The following BACE1 variants were observed in gnomAD, a reference collection of about 807,000 sequenced individuals.
BACE1 encodes the protein APP beta-secretase.
BACE1 carries 21 observed loss-of-function variants against 54.0 expected under a neutral mutation model. The observed-to-expected ratio is 0.39, with a 90% CI of 0.28 to 0.56. BACE1 has a LOEUF of 0.56. Ranked by LOEUF, BACE1 falls within the 20% of genes least tolerant of loss-of-function variation. The pLI is 0.63. For synonymous variants in BACE1, 232 were observed against 260.9 expected (o/e 0.89, Z 1.07); for missense variants, 511 against 661.2 (o/e 0.77, Z 2.49).
intron 1 of BACE1, among the ~76,000 whole-genome samples, chr11:117,298,280 C>G (rs553179149): frequency 6.6e-6 from 1 of 151,330 alleles, no homozygotes; most frequent in South Asian, 2.1e-4. Flanking sequence ...CCGGCCTGGA[C>G]GAGAGCAACA....
chr11:117,308,779 A>G (rs567969340), intron 1 of BACE1, among the ~76,000 whole-genome samples: 22 of 151,858 alleles, frequency 1.4e-4, no homozygotes, highest in African/African-American at 5.1e-4. Flanking sequence ...TGAAACCCCC[A>G]TCTCTACTAA....
At chr11:117,307,426 C>G (rs934683248) in intron 1 of BACE1, among the ~76,000 whole-genome samples, 3 of 152,206 alleles carry the variant, frequency 2.0e-5, no homozygotes, top group African/African-American at 7.2e-5. Flanking sequence ...ATTCTCCTGC[C>G]TCAGCCTCCT....
intron 1 of BACE1, among the ~76,000 whole-genome samples, chr11:117,311,747 T>C (rs1233964927): frequency 6.6e-6 from 1 of 152,202 alleles, no homozygotes; most frequent in Non-Finnish European, 1.5e-5. Flanking sequence ...TTCAAGAGAT[T>C]CTTCTGCCTC....
intron 1 of BACE1, among the ~76,000 whole-genome samples, chr11:117,302,097 GCTGAGGTGGTTGGATCAC>G (rs1442893744): frequency 6.6e-6 from 1 of 152,196 alleles, no homozygotes; most frequent in African/African-American, 2.4e-5. Context: ...ACTTTGGGAG[GCTGAGGTGGTTGGATCAC>G]CTGAGGTCAG....
In BACE1 at chr11:117,289,614, CAGGCAGCGG is replaced by C. The variant is rs751943429; in HGVS notation, c.1449_1457del (p.Cys485_Arg487del). On this transcript the variant is annotated inframe_deletion, in exon 9 of 9. Coordinates refer to ENST00000313005, the MANE Select transcript of BACE1 (RefSeq NM_012104.6). ...CAGCAAAGTCATCATGCTGCTGGCG[CAGGCAGCGG>C]AGGCAGCGCCACTGACACACCATGA... 2 of 1,614,186 alleles carry C rather than the reference CAGGCAGCGG, an allele frequency of 1.2e-6. No individual in the cohort carries two copies. Among genetic ancestry groups the C allele is most frequent in the Non-Finnish European group, 1.7e-6 (2 of 1,180,032 alleles).
rs556729680 is a variant in BACE1, at chr11:117,288,166, C to T, written c.*1400G>A. The stretch of plus-strand genomic sequence containing the variant: ...GAAAAAGATGACCTTCATCAAGGAG[C>T]TCTTGTGGTGGAGGACATAAGGAAG... On this transcript the variant is annotated 3_prime_UTR_variant, in exon 9 of 9. Transcript: ENST00000313005. 1.3e-5 allele frequency: 2 copies of T among 152,528 alleles called. No individual in the cohort carries two copies. Among genetic ancestry groups the T allele is most frequent in the Admixed American group, 1.3e-4 (2 of 15,292 alleles). 9.4% of individuals were successfully genotyped at this position (152,528 alleles called of 1,614,324 possible).
At chr11:117,309,062 C>T (rs1458460855) in intron 1 of BACE1, among the ~76,000 whole-genome samples, 1 of 152,146 alleles carries the variant, frequency 6.6e-6, no homozygotes, top group Non-Finnish European at 1.5e-5. Context: ...ATCTCCTCTT[C>T]CCTCTCTCTC....
chr11:117,311,789 C>T (rs571295245), intron 1 of BACE1, among the ~76,000 whole-genome samples: 7 of 152,060 alleles, frequency 4.6e-5, no homozygotes, highest in Non-Finnish European at 7.4e-5. Flanking sequence ...TACAGGCACG[C>T]GCCACCACAC....
chr11:117,311,283 G>A (rs2034938237), intron 1 of BACE1, among the ~76,000 whole-genome samples: 1 of 152,056 alleles, frequency 6.6e-6, no homozygotes. Context: ...TTACGATTGT[G>A]CCCCTGTACT....
intron 2 of BACE1, 88 bp downstream of exon 2, chr11:117,296,785 A>T: frequency 9.6e-7 from 1 of 1,038,860 alleles, no homozygotes. Flanking sequence ...CTGAGGATCA[A>T]CTCTTTCTCT....
At chr11:117,308,128 G>T (rs1050106922) in intron 1 of BACE1, among the ~76,000 whole-genome samples, 1 of 152,006 alleles carries the variant, frequency 6.6e-6, no homozygotes, top group African/African-American at 2.4e-5. Context: ...CTCCCTCACC[G>T]CTGAGGTCCC....
intron 1 of BACE1, among the ~76,000 whole-genome samples, chr11:117,312,795 C>T (rs967892147): frequency 6.6e-6 from 1 of 152,168 alleles, no homozygotes; most frequent in East Asian, 1.9e-4. Context: ...GCACAAACTA[C>T]GGGGCCCCAC....
chr11:117,305,294 G>A (rs964950313), intron 1 of BACE1, among the ~76,000 whole-genome samples: 16 of 152,214 alleles, frequency 1.1e-4, no homozygotes, highest in Non-Finnish European at 4.4e-5. Flanking sequence ...AAGGACAAGA[G>A]GAGCCTAAAG....
In BACE1 at chr11:117,286,379, C is replaced by T. The variant is rs1221047801; in HGVS notation, c.*3187G>A. On this transcript the variant is annotated 3_prime_UTR_variant, in exon 9 of 9. Coordinates refer to ENST00000313005, the MANE Select transcript of BACE1 (RefSeq NM_012104.6). Reference sequence around the variant, plus strand: ...CTCTATTAGAGCTTTGAATCTTTTCCTATCCTTTTATCTTTACTCCTACAG... The same window carrying T: ...CTCTATTAGAGCTTTGAATCTTTTCTTATCCTTTTATCTTTACTCCTACAG... The T allele has an allele frequency of 6.6e-6, 1 of 152,144 alleles. No homozygotes were observed. Among genetic ancestry groups the T allele is most frequent in the African/African-American group, 2.4e-5 (1 of 41,428 alleles). The allele number at this position is 152,144 out of a possible 1,614,324, so 9.4% of individuals were successfully genotyped here. A position where few individuals can be genotyped will look rare whatever the true frequency, so the allele number is the denominator to read the frequency against.
Position 117,315,683 on chromosome 11 carries a change from G to A in BACE1, c.113C>T (p.Pro38Leu), listed in dbSNP as rs775660494. 2.0e-6 allele frequency: 3 copies of A among 1,527,962 alleles called. No homozygotes were observed. The East Asian group carries it at 7.9e-5, about 40-fold the overall frequency. 94.7% of individuals were successfully genotyped at this position (1,527,962 alleles called of 1,614,324 possible). A position where few individuals can be genotyped will look rare whatever the true frequency, so the allele number is the denominator to read the frequency against. ...LPLRSGLGGA[P>L]LGLRLPRETD... ...CTCCCGGGGCAGCCGCAGCCCCAGG[G>A]GGGCGCCCCCCAGGCCGCTGCGCAG... Residue 38 changes from proline (P) to leucine (L), a missense_variant, in exon 1 of 9, where the codon CCC becomes CTC. Physicochemically the swap from Pro to Leu is moderately conservative, Grantham distance 98. Transcript: ENST00000313005. This position sits in a 1 kb window ranked among gnomAD's most constrained non-coding sequence, Gnocchi z 5.5.
Position 117,293,759 on chromosome 11 carries a change from C to T in BACE1, c.705+112G>A, listed in dbSNP as rs1159994637. 1 of 1,171,358 alleles carries T rather than the reference C, an allele frequency of 8.5e-7. No individual in the cohort carries two copies. Among genetic ancestry groups the T allele is most frequent in the African/African-American group, 1.6e-5 (1 of 63,354 alleles). The allele number at this position is 1,171,358 out of a possible 1,614,324, so 72.6% of individuals were successfully genotyped here. A position where few individuals can be genotyped will look rare whatever the true frequency, so the allele number is the denominator to read the frequency against. On this transcript the variant is annotated intron_variant, in intron 4 of 8. Coordinates refer to ENST00000313005, the MANE Select transcript of BACE1 (RefSeq NM_012104.6). The surrounding 1 kb of genome is among the most constrained non-coding windows in gnomAD (Gnocchi z 4.1). ...GGGTAGGGAATATAAAGAGGTTCCTCCTGATTCTAAGTATCGGAGCCAAAA... is the reference window on the plus strand; with the variant it reads ...GGGTAGGGAATATAAAGAGGTTCCTTCTGATTCTAAGTATCGGAGCCAAAA...
Position 117,293,029 on chromosome 11 carries a change from C to T in BACE1, c.840+25G>A. 3 of 1,612,136 alleles carry T rather than the reference C, an allele frequency of 1.9e-6. No individual in the cohort carries two copies. The highest frequency in any genetic ancestry group is 2.2e-5 in the East Asian group (1 of 44,848). On this transcript the variant is annotated intron_variant, in intron 5 of 8. Coordinates refer to ENST00000313005, the MANE Select transcript of BACE1 (RefSeq NM_012104.6). The surrounding 1 kb of genome is among the most constrained non-coding windows in gnomAD (Gnocchi z 4.1). ...TTGTACTGCCTACCCCCTTATGTTC[C>T]CAGGCTCTCCCTTGGTTTTCTTACC... is the stretch of plus-strand genomic sequence containing the variant.
At chr11:117,307,285 G>GCCTGCCTC (rs2034851090) in intron 1 of BACE1, among the ~76,000 whole-genome samples, 1 of 152,082 alleles carries the variant, frequency 6.6e-6, no homozygotes, top group Non-Finnish European at 1.5e-5. Context: ...TTAGGTATGG[G>GCCTGCCTC]GGCTTCCCTG....
intron 1 of BACE1, among the ~76,000 whole-genome samples, chr11:117,308,321 A>G (rs1362475828): frequency 1.3e-5 from 2 of 152,106 alleles, no homozygotes; most frequent in Non-Finnish European, 2.9e-5. Context: ...CTGTTCCCTC[A>G]AAGAACAAGT....
Sources: gnomAD v4.1 joint callset for allele counts (sites outside exome capture counted in the v4.1 genomes callset) on GRCh38, gnomAD v4.1.1 for gene constraint, Gnocchi (gnomAD v3.1) non-coding constraint, MANE v1.5 for transcripts, NCBI Gene and HGNC (gene_info 2026-07-23, HGNC 2026-07-21) for gene names.